The following C10orf90 variants were observed in gnomAD, a reference collection of about 807,000 sequenced individuals.
C10orf90 encodes (E2-independent) E3 ubiquitin-conjugating enzyme FATS.
Under a neutral mutation model 62.5 loss-of-function variants are expected in C10orf90, and 56 were observed. The ratio of observed to expected loss-of-function variants is 0.90; its 90% CI spans 0.72 to 1.12. The LOEUF (loss-of-function observed/expected upper bound fraction) is 1.12, where lower values mean the gene tolerates loss of function less well. Ranked by LOEUF, C10orf90 falls within the 50% of genes most tolerant of loss-of-function variation. The pLI, the probability that C10orf90 is intolerant of heterozygous loss-of-function variation, is 0.00. For synonymous variants in C10orf90, 386 were observed against 340.4 expected, an observed-to-expected ratio of 1.13 and a Z score of -1.47; for missense variants, 970 against 880.4, an observed-to-expected ratio of 1.10 and a Z score of -1.29.
intron 4 of C10orf90, among the ~76,000 whole-genome samples, chr10:126,472,513 A>T (rs1455040419): frequency 6.6e-6 from 1 of 152,148 alleles, no homozygotes; most frequent in South Asian, 2.1e-4. Flanking sequence ...TCATCGAGAC[A>T]TGCCTGTTTG....
chr10:126,426,150 G>T, intron 8 of C10orf90, 60 bp from the exon 9 acceptor site: 1 of 1,343,344 alleles, frequency 7.4e-7, no homozygotes, highest in Non-Finnish European at 1.1e-6. Context: ...CCGCTGTGGG[G>T]CTGCATCCTG....
intron 1 of C10orf90, among the ~76,000 whole-genome samples, chr10:126,652,951 A>C (rs563827519): frequency 3.9e-5 from 6 of 152,328 alleles, no homozygotes; most frequent in Non-Finnish European, 7.3e-5. Context: ...AAACCACATG[A>C]ATTTTTTGGC....
intron 4 of C10orf90, among the ~76,000 whole-genome samples, chr10:126,482,127 G>A (rs1861196608): frequency 6.6e-6 from 1 of 152,148 alleles, no homozygotes; most frequent in South Asian, 2.1e-4. Flanking sequence ...CTTCCATGAA[G>A]CTTTGGATCT....
chr10:126,596,377 A>T (rs960604342), intron 2 of C10orf90, among the ~76,000 whole-genome samples: 6 of 107,600 alleles, frequency 5.6e-5, no homozygotes, highest in South Asian at 8.3e-4. Flanking sequence ...ACACTTATTT[A>T]AAAAAAAAAA....
At chr10:126,564,309 A>G (rs1844251639) in intron 2 of C10orf90, among the ~76,000 whole-genome samples, 2 of 152,072 alleles carry the variant, frequency 1.3e-5, no homozygotes, top group Non-Finnish European at 2.9e-5. Context: ...GGTTGTGGTG[A>G]GCACAGAAGA....
At chr10:126,482,204 T>C (rs1030876012) in intron 4 of C10orf90, among the ~76,000 whole-genome samples, 8 of 152,256 alleles carry the variant, frequency 5.3e-5, no homozygotes, top group African/African-American at 1.9e-4. Flanking sequence ...TTTGTCTTGA[T>C]AACCTTTCTT....
intron 2 of C10orf90, among the ~76,000 whole-genome samples, chr10:126,522,384 T>C (rs559812442): frequency 7.2e-5 from 11 of 152,374 alleles, no homozygotes; most frequent in Admixed American, 2.0e-4. Flanking sequence ...GCATAACTTA[T>C]TGCCTTTCCA....
chr10:126,471,130 G>A (rs543297222), intron 4 of C10orf90, among the ~76,000 whole-genome samples: 7 of 152,204 alleles, frequency 4.6e-5, no homozygotes, highest in Non-Finnish European at 8.8e-5. Context: ...GAAGCAGTGA[G>A]CTGCGTTACC....
intron 6 of C10orf90, among the ~76,000 whole-genome samples, chr10:126,460,942 G>GA (rs1370704266): frequency 1.3e-5 from 2 of 152,062 alleles, no homozygotes; most frequent in Non-Finnish European, 2.9e-5. Flanking sequence ...AAACAATTGG[G>GA]AAAAGATGCC....
chr10:126,568,733 G>A (rs1844443682), intron 2 of C10orf90, among the ~76,000 whole-genome samples: 1 of 152,130 alleles, frequency 6.6e-6, no homozygotes, highest in South Asian at 2.1e-4. Flanking sequence ...CCAGACAGAG[G>A]TGCTTTAGGA....
intron 8 of C10orf90, among the ~76,000 whole-genome samples, chr10:126,426,762 G>A (rs192290746): frequency 7.7e-4 from 117 of 152,252 alleles, no homozygotes; most frequent in Non-Finnish European, 6.5e-4. Flanking sequence ...ATTGCTGTAC[G>A]TGTGGCACTC....
chr10:126,430,067 G>A (rs1857483356), intron 7 of C10orf90, among the ~76,000 whole-genome samples: 1 of 152,208 alleles, frequency 6.6e-6, no homozygotes, highest in African/African-American at 2.4e-5. Flanking sequence ...ATAAGGACGT[G>A]AAGTACAATG....
chr10:126,631,612 G>A lies in C10orf90; in HGVS notation c.313+14953C>T, dbSNP rs556192388. ...CTCAGCATTGCATGCTCAGTGCCCG[G>A]CACAGTTCCTGGTGCATAGGAAGTA... On this transcript the variant is annotated intron_variant, in intron 2 of 9. Coordinates refer to ENST00000488181, the MANE Select transcript of C10orf90 (RefSeq NM_001350921.2). Among the ~76,000 whole-genome samples the A allele has an allele frequency of 1.1e-4, 16 of 152,070 alleles. No homozygotes were observed. In the East Asian group the frequency reaches 2.5e-3, roughly 24 times the overall value.
chr10:126,450,466 T>C (rs1398721735), intron 7 of C10orf90, among the ~76,000 whole-genome samples: 1 of 152,124 alleles, frequency 6.6e-6, no homozygotes, highest in East Asian at 1.9e-4. Context: ...GTCATAGTAA[T>C]CAAAACAGCA....
intron 4 of C10orf90, chr10:126,496,582 A>C (rs1330463200): frequency 9.5e-6 from 8 of 841,328 alleles, no homozygotes; most frequent in Non-Finnish European, 1.1e-5. Flanking sequence ...ATTTTGAGAC[A>C]TTTCCCCCGC....
chr10:126,462,503 G>A (rs1410323339), intron 5 of C10orf90, among the ~76,000 whole-genome samples: 1 of 152,124 alleles, frequency 6.6e-6, no homozygotes, highest in Non-Finnish European at 1.5e-5. Flanking sequence ...CCCTGCCTCT[G>A]CTACGTCACT....
chr10:126,594,562 T>A (rs1174470419), intron 2 of C10orf90, among the ~76,000 whole-genome samples: 1 of 152,178 alleles, frequency 6.6e-6, no homozygotes, highest in African/African-American at 2.4e-5. Flanking sequence ...GTGACTGTAT[T>A]CAGACAGAAG....
At chr10:126,537,592 T>C (rs1310547665) in intron 2 of C10orf90, among the ~76,000 whole-genome samples, 1 of 152,240 alleles carries the variant, frequency 6.6e-6, no homozygotes, top group Admixed American at 6.5e-5. Context: ...ATTAGGATCC[T>C]TGGATTTCTC....
chr10:126,518,624 C>A (rs1406807726), intron 2 of C10orf90, among the ~76,000 whole-genome samples: 1 of 152,124 alleles, frequency 6.6e-6, no homozygotes, highest in Non-Finnish European at 1.5e-5. Flanking sequence ...CAATTAACCA[C>A]CCAAAGTTAT....
Sources: allele counts gnomAD v4.1 joint callset (sites outside exome capture counted in the v4.1 genomes callset), GRCh38; gene constraint gnomAD v4.1.1; transcripts MANE v1.5; gene names NCBI Gene and HGNC (gene_info 2026-07-23, HGNC 2026-07-21).